Variants in HMGA2 observed in about 807,000 individuals in gnomAD.
HMGA2 encodes high mobility group protein HMGI-C.
In HMGA2, 8 loss-of-function variants were observed where a neutral mutation model predicts 19.1. The observed-to-expected ratio is 0.42, with a 90% CI of 0.25 to 0.76. The LOEUF is 0.76. Among genes scored for constraint, HMGA2 ranks in the 30% least tolerant of loss-of-function variants. The pLI, the probability that HMGA2 is intolerant of heterozygous loss-of-function variation, is 0.28. For missense variants in HMGA2, 109 were observed against 136.3 expected, an observed-to-expected ratio of 0.80 and a Z score of 1.00; for synonymous variants, 60 against 48.8, an observed-to-expected ratio of 1.23 and a Z score of -0.96.
intron 3 of HMGA2, among the ~76,000 whole-genome samples, chr12:65,946,660 T>G (rs1443780311): frequency 6.6e-6 from 1 of 152,208 alleles, no homozygotes; most frequent in East Asian, 1.9e-4. Context: ...GTATCAGCTT[T>G]AAAATACCTA....
chr12:65,845,511 C>T (rs2120905550), intron 3 of HMGA2, among the ~76,000 whole-genome samples: 1 of 152,190 alleles, frequency 6.6e-6, no homozygotes, highest in South Asian at 2.1e-4. Flanking sequence ...TCAGGTGATC[C>T]TCCCACCTCA....
chr12:65,853,483 A>T (rs916898487), intron 3 of HMGA2, among the ~76,000 whole-genome samples: 1 of 152,182 alleles, frequency 6.6e-6, no homozygotes, highest in Non-Finnish European at 1.5e-5. Context: ...GAATGTGGTT[A>T]AATATCCCTG....
At chr12:65,892,668 T>C (rs536085860) in intron 3 of HMGA2, among the ~76,000 whole-genome samples, 1 of 152,270 alleles carries the variant, frequency 6.6e-6, no homozygotes, top group Admixed American at 6.5e-5. Context: ...CGAGAGAATC[T>C]GATCCATGGG....
At chr12:65,893,008 A>C (rs767037714) in intron 3 of HMGA2, among the ~76,000 whole-genome samples, 2 of 152,154 alleles carry the variant, frequency 1.3e-5, no homozygotes, top group Non-Finnish European at 2.9e-5. Context: ...TAAAGACGGC[A>C]GTGTATGGAA....
intron 2 of HMGA2, among the ~76,000 whole-genome samples, chr12:65,834,594 TCCTCCCTC>T (rs1046425792): frequency 7.4e-6 from 1 of 135,154 alleles, no homozygotes; most frequent in African/African-American, 2.7e-5. Flanking sequence ...CTTCCTCCCT[TCCTCCCTC>T]CCTCCCTCCG....
chr12:65,922,670 T>C (rs1365965665), intron 3 of HMGA2, among the ~76,000 whole-genome samples: 2 of 152,164 alleles, frequency 1.3e-5, no homozygotes, highest in African/African-American at 4.8e-5. Flanking sequence ...TGATTGGTTT[T>C]GAAATGTGTA....
chr12:65,954,311 C>T (rs747649152), intron 4 of HMGA2: 7 of 152,148 alleles, frequency 4.6e-5, no homozygotes, highest in African/African-American at 7.2e-5. Context: ...TCCTCTTTGA[C>T]GTCAAGTGTT....
chr12:65,952,398 A>G, intron 4 of HMGA2: 6 of 1,534,916 alleles, frequency 3.9e-6, no homozygotes, highest in Non-Finnish European at 5.2e-6. Flanking sequence ...GGGCAATCTT[A>G]TATATCTACT....
chr12:65,826,454 G>A (rs923691312), intron 1 of HMGA2: 1 of 152,214 alleles, frequency 6.6e-6, no homozygotes, highest in Non-Finnish European at 1.5e-5. Flanking sequence ...TTTAAAACTT[G>A]CTCTCTGCTT....
intron 4 of HMGA2, among the ~76,000 whole-genome samples, chr12:65,961,489 T>C (rs189964980): frequency 5.3e-5 from 8 of 152,182 alleles, no homozygotes; most frequent in African/African-American, 1.9e-4. Context: ...GGTTGGGAGT[T>C]AAAGGGGAGG....
intron 3 of HMGA2, among the ~76,000 whole-genome samples, chr12:65,885,303 T>C (rs568714798): frequency 1.2e-3 from 188 of 152,252 alleles, no homozygotes; most frequent in Non-Finnish European, 1.9e-3. Flanking sequence ...CTGATCATGA[T>C]AAATAGTGGG....
chr12:65,874,113 C>A (rs891264140), intron 3 of HMGA2: 2 of 152,022 alleles, frequency 1.3e-5, no homozygotes, highest in African/African-American at 4.8e-5. Flanking sequence ...TCCTTGTATG[C>A]ATTATTGTTG....
At chr12:65,942,366 G>T (rs904264946) in intron 3 of HMGA2, among the ~76,000 whole-genome samples, 1 of 152,082 alleles carries the variant, frequency 6.6e-6, no homozygotes, top group Non-Finnish European at 1.5e-5. Context: ...CAGAGAAAAA[G>T]AAATACATAT....
chr12:65,828,210 A>G (rs1870306544), intron 2 of HMGA2, 123 bp downstream of exon 2: 2 of 741,296 alleles, frequency 2.7e-6, no homozygotes, highest in Non-Finnish European at 4.9e-6. Context: ...CACAAGACTC[A>G]TTTCTTACAT....
intron 4 of HMGA2, chr12:65,955,474 G>A (rs1339982267): frequency 1.3e-5 from 2 of 152,106 alleles, no homozygotes; most frequent in Non-Finnish European, 2.9e-5. Context: ...CCCTTTTAAG[G>A]CTTTAATCTG....
intron 3 of HMGA2, among the ~76,000 whole-genome samples, chr12:65,875,731 G>A (rs762771330): frequency 3.3e-5 from 5 of 150,316 alleles, no homozygotes; most frequent in South Asian, 2.1e-4. Flanking sequence ...GATTATAGGC[G>A]TAAGCCACTG....
Position 65,825,320 on chromosome 12 carries a change from G to T in HMGA2, c.50G>T (p.Gly17Val). Residue 17 changes from glycine (G) to valine (V), a missense_variant, in exon 1 of 5, where the codon GGA becomes GTA. Physicochemically the swap from Gly to Val is moderately radical, Grantham distance 109. Coordinates refer to ENST00000403681, the MANE Select transcript of HMGA2 (RefSeq NM_003483.6). This position sits in a 1 kb window ranked among gnomAD's most constrained non-coding sequence, Gnocchi z 4.4. ...GGGCAGCCGTCCACTTCAGCCCAGG[G>T]ACAACCTGCCGCCCCAGCGCCTCAG... ...GAGQPSTSAQ[G>V]QPAAPAPQKR... The T allele has an allele frequency of 3.9e-6, 6 of 1,538,736 alleles. No individual in the cohort carries two copies. Among genetic ancestry groups the T allele is most frequent in the Non-Finnish European group, 5.2e-6 (6 of 1,146,184 alleles).
chr12:65,948,150 C>T (rs1876331344), intron 3 of HMGA2, among the ~76,000 whole-genome samples: 1 of 152,046 alleles, frequency 6.6e-6, no homozygotes, highest in Non-Finnish European at 1.5e-5. Context: ...AACAGTAAGG[C>T]CTGGACCCTC....
intron 3 of HMGA2, among the ~76,000 whole-genome samples, chr12:65,936,475 C>T (rs564864933): frequency 1.1e-4 from 17 of 152,224 alleles, no homozygotes; most frequent in African/African-American, 1.4e-4. Flanking sequence ...GAATTCCAAA[C>T]GCCACAGAAA....
Sources: allele counts gnomAD v4.1 joint callset (sites outside exome capture counted in the v4.1 genomes callset), GRCh38; gene constraint gnomAD v4.1.1; non-coding constraint Gnocchi (gnomAD v3.1); transcripts MANE v1.5; gene names NCBI Gene and HGNC (gene_info 2026-07-23, HGNC 2026-07-21).